Variants in FTCDNL1 observed in about 807,000 individuals in gnomAD.
FTCDNL1 encodes formiminotransferase cyclodeaminase N-terminal like, also known as formiminotransferase N-terminal subdomain-containing protein.
In FTCDNL1, 11 loss-of-function variants were observed where a neutral mutation model predicts 5.9. That is an observed-to-expected ratio of 1.87 (90% CI 1.18 to 3.10). The LOEUF is 3.10. Among genes scored for constraint, FTCDNL1 ranks in the 30% most tolerant of loss-of-function variants. The pLI is 0.00. For missense variants in FTCDNL1, 115 were observed against 65.5 expected (o/e 1.76, Z -2.61); for synonymous variants, 58 against 24.8 (o/e 2.34, Z -3.99).
chr2:199,673,922 A>G, the FTCDNL1 span, among the ~76,000 whole-genome samples: 2 of 152,214 alleles, frequency 1.3e-5, no homozygotes, highest in African/African-American at 2.4e-5. Context: ...GTAGAAATAA[A>G]TTACTGAGAT....
the FTCDNL1 span, among the ~76,000 whole-genome samples, chr2:199,720,048 T>G: frequency 6.6e-6 from 1 of 152,180 alleles, no homozygotes; most frequent in East Asian, 1.9e-4. Flanking sequence ...CCTTCTTGAT[T>G]TGATCCTCAG....
chr2:199,665,813 A>G, the FTCDNL1 span, among the ~76,000 whole-genome samples: 1 of 152,212 alleles, frequency 6.6e-6, no homozygotes, highest in East Asian at 1.9e-4. Flanking sequence ...GGAGGCAGTC[A>G]TAAACTACAG....
At chr2:199,848,137 T>C (rs984462014) in intron 2 of FTCDNL1, among the ~76,000 whole-genome samples, 1 of 152,232 alleles carries the variant, frequency 6.6e-6, no homozygotes, top group Non-Finnish European at 1.5e-5. Context: ...TGTGTATTAG[T>C]GTGTGTGTCA....
At chr2:199,814,613 A>C (rs544763020) in intron 4 of FTCDNL1, among the ~76,000 whole-genome samples, 2 of 152,314 alleles carry the variant, frequency 1.3e-5, no homozygotes, top group Non-Finnish European at 2.9e-5. Flanking sequence ...TCAATAATAG[A>C]ACAGTGCCCT....
At chr2:199,776,397 C>T (rs1387872719) in intron 3 of FTCDNL1, among the ~76,000 whole-genome samples, 1 of 152,232 alleles carries the variant, frequency 6.6e-6, no homozygotes, top group Non-Finnish European at 1.5e-5. Flanking sequence ...AATCACACTA[C>T]TTTAATGCAC....
chr2:199,773,064 G>A (rs1465227253), intron 3 of FTCDNL1, among the ~76,000 whole-genome samples: 6 of 152,076 alleles, frequency 3.9e-5, no homozygotes, highest in South Asian at 2.1e-4. Flanking sequence ...GGGATATGAT[G>A]AGGCTCACTA....
chr2:199,723,003 T>C, the FTCDNL1 span, among the ~76,000 whole-genome samples: 1 of 151,914 alleles, frequency 6.6e-6, no homozygotes, highest in African/African-American at 2.4e-5. Flanking sequence ...AATGTGCAGG[T>C]TTGTTACATA....
At chr2:199,838,812 G>C (rs1702936548) in intron 3 of FTCDNL1, among the ~76,000 whole-genome samples, 1 of 152,158 alleles carries the variant, frequency 6.6e-6, no homozygotes, top group African/African-American at 2.4e-5. Flanking sequence ...GGACACAGCT[G>C]AGGGCTGGGG....
At chr2:199,767,682 G>A (rs773289584) in intron 3 of FTCDNL1, among the ~76,000 whole-genome samples, 22 of 152,094 alleles carry the variant, frequency 1.4e-4, no homozygotes, top group South Asian at 4.1e-4. Flanking sequence ...CTTCTACCAC[G>A]TGAGAACATA....
downstream of FTCDNL1, among the ~76,000 whole-genome samples, chr2:199,758,407 T>C (rs775323192): frequency 3.4e-4 from 42 of 124,626 alleles, no homozygotes; most frequent in Non-Finnish European, 6.0e-4. Flanking sequence ...GAAATTATGA[T>C]AAAACTCATT....
At chr2:199,809,155 C>G (rs1320909785), downstream of FTCDNL1, among the ~76,000 whole-genome samples, 1 of 151,884 alleles carries the variant, frequency 6.6e-6, no homozygotes, top group East Asian at 1.9e-4. Flanking sequence ...AATTGGAATT[C>G]CAGAATAATA....
chr2:199,850,635 T>A (rs956531616), intron 1 of FTCDNL1, 105 bp downstream of exon 1: 1 of 152,244 alleles, frequency 6.6e-6, no homozygotes, highest in Non-Finnish European at 1.5e-5. Context: ...TCAATTACCA[T>A]TGGATGACCT....
intron 3 of FTCDNL1, among the ~76,000 whole-genome samples, chr2:199,768,121 T>C (rs750955758): frequency 7.9e-5 from 12 of 152,200 alleles, no homozygotes; most frequent in Non-Finnish European, 1.5e-4. Context: ...CGAGAAAGTA[T>C]AGACTTTTAG....
the FTCDNL1 span, among the ~76,000 whole-genome samples, chr2:199,685,464 T>C: frequency 6.6e-6 from 1 of 152,220 alleles, no homozygotes; most frequent in Non-Finnish European, 1.5e-5. Context: ...TTCATTTAAC[T>C]GCACAGTTTT....
chr2:199,792,832 C>A (rs1482523887), intron 3 of FTCDNL1, among the ~76,000 whole-genome samples: 1 of 152,050 alleles, frequency 6.6e-6, no homozygotes, highest in African/African-American at 2.4e-5. Context: ...AAACAGAAAC[C>A]GTGGGTGCTA....
chr2:199,760,628 T>C lies in FTCDNL1; in HGVS notation c.*185A>G, dbSNP rs1698225115. ...ATGGGGAAACATTCTTTTACAAATG[T>C]AAATGCAATATACCCTCTATTTAGA... On this transcript the variant is annotated 3_prime_UTR_variant, in exon 4 of 4. Transcript: ENST00000416668. The C allele has an allele frequency of 9.5e-6, 5 of 524,926 alleles. No individual in the cohort carries two copies. The South Asian group carries it at 1.5e-4, about 16-fold the overall frequency. 32.5% of individuals were successfully genotyped at this position (524,926 alleles called of 1,614,324 possible). A position where few individuals can be genotyped will look rare whatever the true frequency, so the allele number is the denominator to read the frequency against.
rs2076868535 is a variant in FTCDNL1 at position 199,851,148 on chromosome 2, T to TCCGCCGCCGCGCGTGGCCC, written c.-435_-417dup. 7.3e-6 allele frequency: 1 copy of TCCGCCGCCGCGCGTGGCCC among 137,448 alleles called. No homozygotes were observed. The highest frequency in any genetic ancestry group is 1.5e-5 in the Non-Finnish European group (1 of 65,262). The allele number at this position is 137,448 out of a possible 1,614,324, so 8.5% of individuals were successfully genotyped here. ...CGCCGCGCGTGGCCCGCGCGCAGCC[T>TCCGCCGCCGCGCGTGGCCC]CCGCCGCCGCGCGTGGCCCGCGCGC... On this transcript the variant is annotated 5_prime_UTR_variant, in exon 1 of 5. Transcript: ENST00000420128.
At chr2:199,693,753 G>A in the FTCDNL1 span, among the ~76,000 whole-genome samples, 1 of 150,732 alleles carries the variant, frequency 6.6e-6, no homozygotes, top group African/African-American at 2.4e-5. Flanking sequence ...CAGAGCATTA[G>A]TACTTAGTAA....
chr2:199,737,421 T>C, the FTCDNL1 span, among the ~76,000 whole-genome samples: 1 of 152,224 alleles, frequency 6.6e-6, no homozygotes, highest in Admixed American at 6.5e-5. Context: ...TGAAATAATA[T>C]ATTTCCTAGT....
Sources: allele counts gnomAD v4.1 joint callset (sites outside exome capture counted in the v4.1 genomes callset), GRCh38; gene constraint gnomAD v4.1.1; transcripts MANE v1.5; gene names NCBI Gene and HGNC (gene_info 2026-07-23, HGNC 2026-07-21).